DDHD1: variants seen among roughly 807,000 people sequenced by gnomAD.
DDHD1 encodes phospholipase DDHD1.
Under a neutral mutation model 96.4 loss-of-function variants are expected in DDHD1, and 49 were observed. That is an observed-to-expected ratio of 0.51 (90% confidence interval 0.40 to 0.64). The LOEUF (loss-of-function observed/expected upper bound fraction) is 0.64. Among genes scored for constraint, DDHD1 ranks in the 30% least tolerant of loss-of-function variants. The pLI, the probability that DDHD1 is intolerant of heterozygous loss-of-function variation, is 0.00. For missense variants in DDHD1, 1,106 were observed against 1,161.2 expected (o/e 0.95, Z 0.69); for synonymous variants, 442 against 446.5 (o/e 0.99, Z 0.13).
At chr14:53,077,702 A>G (rs1885096787) in intron 4 of DDHD1, among the ~76,000 whole-genome samples, 1 of 141,684 alleles carries the variant, frequency 7.1e-6, no homozygotes, top group African/African-American at 2.7e-5. Flanking sequence ...TGTGGCTTTT[A>G]GTATATTCAA....
chr14:53,056,477 G>T (rs1470498808), intron 9 of DDHD1, among the ~76,000 whole-genome samples: 1 of 152,094 alleles, frequency 6.6e-6, no homozygotes, highest in East Asian at 1.9e-4. Flanking sequence ...TATTTTTTAA[G>T]ATGGAGATGG....
intron 1 of DDHD1, among the ~76,000 whole-genome samples, chr14:53,104,470 A>G (rs1887539821): frequency 6.6e-6 from 1 of 152,332 alleles, no homozygotes; most frequent in African/African-American, 2.4e-5. Context: ...GTCTTAGAAA[A>G]TATTAATATA....
chr14:53,080,606 C>T (rs895807939), intron 4 of DDHD1, among the ~76,000 whole-genome samples: 2 of 151,074 alleles, frequency 1.3e-5, no homozygotes, highest in East Asian at 1.9e-4. Flanking sequence ...CCTTATTTCT[C>T]GTGGATCAAG....
At chr14:53,089,804 T>C (rs1292901779) in intron 4 of DDHD1, among the ~76,000 whole-genome samples, 1 of 152,016 alleles carries the variant, frequency 6.6e-6, no homozygotes, top group Non-Finnish European at 1.5e-5. Flanking sequence ...AGACTTCATG[T>C]CTAAAACACC....
chr14:53,046,996 T>C, intron 12 of DDHD1, 47 bp from the exon 13 acceptor site: 1 of 1,467,696 alleles, frequency 6.8e-7, no homozygotes, highest in Non-Finnish European at 9.1e-7. Context: ...TATAATAAAA[T>C]ATGTTCTATA....
At chr14:53,058,013 G>C (rs7161252) in intron 9 of DDHD1, among the ~76,000 whole-genome samples, 10,779 of 151,970 alleles carry the variant, frequency 0.071, 982 homozygotes, top group African/African-American at 0.21. Context: ...CTAATTTTTT[G>C]TATTTTAGTA....
At chr14:53,059,690 C>T (rs1352488533) in intron 8 of DDHD1, among the ~76,000 whole-genome samples, 4 of 148,808 alleles carry the variant, frequency 2.7e-5, no homozygotes, top group African/African-American at 9.8e-5. Flanking sequence ...ATGGTGAAAC[C>T]CCGTCTCTAC....
intron 8 of DDHD1, among the ~76,000 whole-genome samples, chr14:53,058,879 T>C (rs1461466035): frequency 6.6e-6 from 1 of 152,232 alleles, no homozygotes; most frequent in Non-Finnish European, 1.5e-5. Flanking sequence ...CATTTTCTTA[T>C]ATATTTGTAT....
intron 1 of DDHD1, among the ~76,000 whole-genome samples, chr14:53,137,627 G>A (rs1185800848): frequency 2.0e-5 from 3 of 150,744 alleles, no homozygotes; most frequent in African/African-American, 2.5e-5. Context: ...AAAAATAAAA[G>A]AAAATCACAG....
intron 10 of DDHD1, among the ~76,000 whole-genome samples, chr14:53,055,144 T>C (rs2139837518): frequency 6.6e-6 from 1 of 152,308 alleles, no homozygotes; most frequent in South Asian, 2.1e-4. Flanking sequence ...AATGGACAGA[T>C]TCAAATACCA....
intron 2 of DDHD1, among the ~76,000 whole-genome samples, chr14:53,101,794 A>G (rs550652044): frequency 4.5e-4 from 68 of 152,226 alleles, no homozygotes; most frequent in African/African-American, 1.6e-3. Flanking sequence ...GGCAGGAAGC[A>G]GAAGTAAAAA....
In DDHD1 at chr14:53,152,456, C is replaced by T. The variant is rs1166887752; in HGVS notation, c.643G>A (p.Val215Met). 6 of 1,613,290 alleles carry T rather than the reference C, an allele frequency of 3.7e-6. No individual in the cohort carries two copies. Among genetic ancestry groups the T allele is most frequent in the Middle Eastern group, 1.7e-4 (1 of 6,060 alleles). Residue 215 changes from valine to methionine, a missense_variant, in exon 1 of 13, where the codon GTG becomes ATG. By Grantham distance (21) the Val-to-Met change is conservative. This residue lies in a region of DDHD1 where 456 missense variants were observed against 402.4 expected (regional missense o/e 1.13). Coordinates refer to ENST00000673822, the MANE Select transcript of DDHD1 (RefSeq NM_001160148.2). ...PQGGDRDGDH[V>M]CSPTGPASSS... ...GAGGCTGGGCCCGTGGGGGAGCACACATGGTCGCCGTCCCGGTCCCCGCCC... is the reference window on the plus strand; with the variant it reads ...GAGGCTGGGCCCGTGGGGGAGCACATATGGTCGCCGTCCCGGTCCCCGCCC...
intron 6 of DDHD1, among the ~76,000 whole-genome samples, chr14:53,066,439 G>C (rs959236456): frequency 3.3e-5 from 5 of 152,020 alleles, no homozygotes; most frequent in African/African-American, 1.2e-4. Context: ...GAAGTGGCAG[G>C]CTTTGAATCT....
chr14:53,064,190 C>T (rs1883830318), intron 6 of DDHD1, among the ~76,000 whole-genome samples: 2 of 152,000 alleles, frequency 1.3e-5, no homozygotes, highest in African/African-American at 4.8e-5. Context: ...AGAATATCAA[C>T]CAATCCTTAA....
At chr14:53,096,364 C>A (rs1348702114) in intron 2 of DDHD1, 1 of 194,672 alleles carries the variant, frequency 5.1e-6, no homozygotes, top group African/African-American at 2.4e-5. Flanking sequence ...TTCTAAGAAT[C>A]AGTAAAGCAA....
At position 53,055,793 on chromosome 14, in the gene DDHD1, G is replaced by C. The variant is rs749793040; in HGVS notation, c.2112C>G (p.Asn704Lys). 1 of 1,614,046 alleles carries C rather than the reference G, an allele frequency of 6.2e-7. No individual in the cohort carries two copies. Among genetic ancestry groups the C allele is most frequent in the Non-Finnish European group, 8.5e-7 (1 of 1,180,002 alleles). Residue 704 changes from asparagine (N) to lysine (K), a missense_variant, in exon 10 of 13, where the codon AAC (asparagine) becomes AAG (lysine). Physicochemically the swap from Asn to Lys is moderately conservative, Grantham distance 94. Transcript: ENST00000673822. ...PYEHMKPSFL[N>K]PAKEPTSVSE... ...AAACTGAGGTAGGTTCTTTAGCTGG[G>C]TTGAGAAAGCTTGGCTTCATATGTT...
In DDHD1 at chr14:53,058,636, T is replaced by C. The variant is rs2139850292; in HGVS notation, c.1843-10A>G. On this transcript the variant is annotated splice_polypyrimidine_tract_variant and intron_variant, in intron 8 of 12. Transcript: ENST00000673822. ...AGAAGAAATTCTCAACCTAAAATGA[T>C]AAAGTCATCTTAAAGTTTAAAAATG... 1 of 1,581,544 alleles carries C rather than the reference T, an allele frequency of 6.3e-7. No individual in the cohort carries two copies. The highest frequency in any genetic ancestry group is 8.6e-7 in the Non-Finnish European group (1 of 1,165,594).
intron 1 of DDHD1, among the ~76,000 whole-genome samples, chr14:53,145,372 G>A (rs1482759237): frequency 6.6e-6 from 1 of 151,646 alleles, no homozygotes; most frequent in Admixed American, 6.6e-5. Flanking sequence ...GCATGGTGAC[G>A]TGCACCTATG....
At chr14:53,072,012 T>C (rs1884549969) in intron 6 of DDHD1, among the ~76,000 whole-genome samples, 1 of 152,112 alleles carries the variant, frequency 6.6e-6, no homozygotes, top group South Asian at 2.1e-4. Flanking sequence ...TCATACCTAC[T>C]TCACAGGATT....
Sources: gnomAD v4.1 joint callset for allele counts (sites outside exome capture counted in the v4.1 genomes callset) on GRCh38, gnomAD v4.1.1 for gene constraint, gnomAD v4.1.1 regional missense constraint, MANE v1.5 for transcripts, NCBI Gene and HGNC (gene_info 2026-07-23, HGNC 2026-07-21) for gene names.